The following ITFG1 variants were observed in gnomAD, a reference collection of about 807,000 sequenced individuals.
ITFG1 encodes the protein T-cell immunomodulatory protein.
Under a neutral mutation model 81.8 loss-of-function variants are expected in ITFG1, and 34 were observed. The observed-to-expected ratio is 0.42, with a 90% confidence interval of 0.32 to 0.55. The LOEUF (loss-of-function observed/expected upper bound fraction) is 0.55. ITFG1 is among the 20% of genes least tolerant of loss of function. The pLI, the probability that ITFG1 is intolerant of heterozygous loss-of-function variation, is 0.17. For missense variants in ITFG1, 672 were observed against 755.4 expected (o/e 0.89, Z 1.29); for synonymous variants, 285 against 270.6 (o/e 1.05, Z -0.52).
chr16:47,441,501 C>T (rs959168889), intron 5 of ITFG1, among the ~76,000 whole-genome samples: 1 of 152,166 alleles, frequency 6.6e-6, no homozygotes, highest in African/African-American at 2.4e-5. Context: ...GGGCTTCATC[C>T]CTGGGATGCA....
intron 14 of ITFG1, among the ~76,000 whole-genome samples, chr16:47,186,039 A>G (rs1486058945): frequency 6.6e-6 from 1 of 152,128 alleles, no homozygotes; most frequent in African/African-American, 2.4e-5. Flanking sequence ...CGACACATAC[A>G]CCCTCCCAAG....
chr16:47,203,720 TTGCTCACCTGC>T (rs1487812134), intron 14 of ITFG1, among the ~76,000 whole-genome samples: 1 of 152,224 alleles, frequency 6.6e-6, no homozygotes, highest in Non-Finnish European at 1.5e-5. Context: ...GAAGCTTTGC[TTGCTCACCTGC>T]TGCTCACCTC....
intron 3 of ITFG1, among the ~76,000 whole-genome samples, chr16:47,453,226 T>C (rs1045131177): frequency 6.6e-6 from 1 of 152,254 alleles, no homozygotes; most frequent in African/African-American, 2.4e-5. Flanking sequence ...GAATATAATG[T>C]ATCGCGATTA....
At chr16:47,440,148 T>C (rs1432747816) in intron 5 of ITFG1, among the ~76,000 whole-genome samples, 2 of 152,114 alleles carry the variant, frequency 1.3e-5, no homozygotes, top group Non-Finnish European at 2.9e-5. Context: ...ATCCTAAATA[T>C]ATATGCACCC....
intron 14 of ITFG1, among the ~76,000 whole-genome samples, chr16:47,210,544 T>C (rs1215339653): frequency 1.3e-5 from 2 of 152,214 alleles, no homozygotes; most frequent in Non-Finnish European, 2.9e-5. Context: ...CTTGTAAATA[T>C]TTCCTTTAAT....
chr16:47,383,649 T>C (rs974891796), intron 6 of ITFG1, among the ~76,000 whole-genome samples: 1 of 152,274 alleles, frequency 6.6e-6, no homozygotes, highest in Non-Finnish European at 1.5e-5. Flanking sequence ...CACACGCCTG[T>C]AATCCCAACA....
intron 12 of ITFG1, among the ~76,000 whole-genome samples, chr16:47,240,277 C>T (rs1436913585): frequency 8.8e-6 from 1 of 114,268 alleles, no homozygotes; most frequent in Non-Finnish European, 1.6e-5. Flanking sequence ...GCCTTGGTGA[C>T]AGATGGAGAT....
At chr16:47,407,849 C>T (rs1475806093) in intron 6 of ITFG1, among the ~76,000 whole-genome samples, 1 of 152,140 alleles carries the variant, frequency 6.6e-6, no homozygotes, top group Non-Finnish European at 1.5e-5. Context: ...GGACGTCTAG[C>T]TTGGACATAT....
intron 11 of ITFG1, among the ~76,000 whole-genome samples, chr16:47,260,189 G>C (rs902742389): frequency 6.6e-6 from 1 of 151,766 alleles, no homozygotes; most frequent in Non-Finnish European, 1.5e-5. Context: ...CGCCTGCCTC[G>C]GCCTCCCAAA....
chr16:47,329,576 A>G (rs1192224060), intron 8 of ITFG1, among the ~76,000 whole-genome samples: 1 of 152,142 alleles, frequency 6.6e-6, no homozygotes, highest in Non-Finnish European at 1.5e-5. Flanking sequence ...GTTTTCTTGT[A>G]AAGATTAAAT....
intron 8 of ITFG1, among the ~76,000 whole-genome samples, chr16:47,338,533 CA>C (rs564643388): frequency 2.6e-5 from 4 of 151,594 alleles, no homozygotes; most frequent in African/African-American, 9.7e-5. Flanking sequence ...CGGTTTAGAG[CA>C]AAAAAATCAC....
chr16:47,285,355 C>T (rs771567263), intron 10 of ITFG1, among the ~76,000 whole-genome samples: 4 of 152,176 alleles, frequency 2.6e-5, no homozygotes, highest in Non-Finnish European at 4.4e-5. Flanking sequence ...GCCCCTGCCC[C>T]GTACCTCACC....
chr16:47,368,574 A>G (rs1404643309), intron 7 of ITFG1, among the ~76,000 whole-genome samples: 11 of 150,374 alleles, frequency 7.3e-5, no homozygotes, highest in Admixed American at 7.3e-4. Flanking sequence ...AAAAAAAAAA[A>G]AAAAAAAAAA....
intron 2 of ITFG1, among the ~76,000 whole-genome samples, chr16:47,456,020 C>G (rs1383239424): frequency 6.6e-6 from 1 of 151,980 alleles, no homozygotes; most frequent in Non-Finnish European, 1.5e-5. Context: ...ATAGAGGCCT[C>G]TAGCTTGAAA....
chr16:47,157,738 A>T (rs1964736909), intron 17 of ITFG1: 1 of 152,348 alleles, frequency 6.6e-6, no homozygotes, highest in East Asian at 1.9e-4. Context: ...GCATTTATAG[A>T]ACAACTAATA....
At chr16:47,361,701 C>G (rs537804418) in intron 8 of ITFG1, among the ~76,000 whole-genome samples, 1 of 152,294 alleles carries the variant, frequency 6.6e-6, no homozygotes, top group African/African-American at 2.4e-5. Flanking sequence ...TAAGGGACTG[C>G]TCTAAGAATT....
chr16:47,406,540 C>T (rs1968731594), intron 6 of ITFG1, among the ~76,000 whole-genome samples: 1 of 152,118 alleles, frequency 6.6e-6, no homozygotes, highest in Admixed American at 6.5e-5. Context: ...TCTTTTCTCC[C>T]CCAAAATGTG....
chr16:47,325,367 A>C (rs1439502379), intron 8 of ITFG1, among the ~76,000 whole-genome samples: 1 of 152,228 alleles, frequency 6.6e-6, no homozygotes, highest in Non-Finnish European at 1.5e-5. Flanking sequence ...CCACATGAGA[A>C]AGCAGGAAAG....
At chr16:47,454,757 G>A (rs1969431355) in intron 2 of ITFG1, among the ~76,000 whole-genome samples, 1 of 151,812 alleles carries the variant, frequency 6.6e-6, no homozygotes, top group Non-Finnish European at 1.5e-5. Flanking sequence ...CATAGGTATT[G>A]ATATATTTTT....
Sources: allele counts gnomAD v4.1 joint callset (sites outside exome capture counted in the v4.1 genomes callset), GRCh38; gene constraint gnomAD v4.1.1; transcripts MANE v1.5; gene names NCBI Gene and HGNC (gene_info 2026-07-23, HGNC 2026-07-21).